PDE12: variants seen among roughly 807,000 people sequenced by gnomAD.
The protein encoded by PDE12 is phosphodiesterase 12.
Under a neutral mutation model 45.4 loss-of-function variants are expected in PDE12, and 26 were observed. The observed-to-expected ratio is 0.57, with a 90% CI of 0.42 to 0.79. The LOEUF (loss-of-function observed/expected upper bound fraction) is 0.79, where lower values mean the gene tolerates loss of function less well. Ranked by LOEUF, PDE12 falls within the 30% of genes least tolerant of loss-of-function variation. The pLI is 0.00. For synonymous variants in PDE12, 283 were observed against 323.9 expected (o/e 0.87, Z 1.36); for missense variants, 668 against 790.0 (o/e 0.85, Z 1.85).
At chr3:57,656,058 C>T in the PDE12 span, among the ~76,000 whole-genome samples, 3 of 152,132 alleles carry the variant, frequency 2.0e-5, no homozygotes, top group Non-Finnish European at 2.9e-5. Context: ...ATAACATGTA[C>T]TTTTTAAGAA....
At chr3:57,578,804 A>C in the PDE12 span, among the ~76,000 whole-genome samples, 1 of 152,130 alleles carries the variant, frequency 6.6e-6, no homozygotes, top group African/African-American at 2.4e-5. Flanking sequence ...ATACTACAAA[A>C]TAAATGGAAG....
the PDE12 span, chr3:57,645,565 G>T: frequency 1.2e-6 from 1 of 833,134 alleles, no homozygotes; most frequent in Non-Finnish European, 1.8e-6. Context: ...CCTTTTATAA[G>T]ATCATTCTGC....
chr3:57,639,162 A>C, the PDE12 span, among the ~76,000 whole-genome samples: 1 of 152,250 alleles, frequency 6.6e-6, no homozygotes, highest in African/African-American at 2.4e-5. Context: ...AATGAAAGGA[A>C]GTAGATGAAA....
chr3:57,621,834 G>C, the PDE12 span, among the ~76,000 whole-genome samples: 1 of 151,776 alleles, frequency 6.6e-6, no homozygotes, highest in Admixed American at 6.6e-5. Flanking sequence ...AGGGGTGGGG[G>C]GATCTTTGCA....
the PDE12 span, chr3:57,597,971 A>G: frequency 2.0e-5 from 3 of 152,204 alleles, no homozygotes; most frequent in Admixed American, 6.5e-5. Context: ...CACCACGCCA[A>G]GTGATTCTGA....
chr3:57,580,906 C>A, the PDE12 span, among the ~76,000 whole-genome samples: 1 of 152,106 alleles, frequency 6.6e-6, no homozygotes, highest in African/African-American at 2.4e-5. Context: ...AGCCACTGCA[C>A]CCAGCCTTTG....
chr3:57,558,083 G>GT (rs964472960), intron 1 of PDE12, among the ~76,000 whole-genome samples: 69 of 152,088 alleles, frequency 4.5e-4, no homozygotes, highest in East Asian at 7.7e-4. Flanking sequence ...ATATAAACTA[G>GT]TTTTTTTTAA....
chr3:57,645,704 G>T, the PDE12 span: 1 of 1,613,400 alleles, frequency 6.2e-7, no homozygotes, highest in Non-Finnish European at 8.5e-7. Flanking sequence ...TCACTATCAT[G>T]AATAGTGAAA....
the PDE12 span, among the ~76,000 whole-genome samples, chr3:57,603,351 T>G: frequency 9.7e-4 from 148 of 152,248 alleles, 2 homozygotes; most frequent in East Asian, 0.023. Context: ...TTTATTTATT[T>G]TTTTTAAGAC....
At chr3:57,613,428 C>T in the PDE12 span, among the ~76,000 whole-genome samples, 2 of 151,048 alleles carry the variant, frequency 1.3e-5, no homozygotes, top group Non-Finnish European at 3.0e-5. Context: ...CAAGTAGCTG[C>T]GATTACAAGC....
At chr3:57,628,704 C>CA in the PDE12 span, 1 of 1,167,556 alleles carries the variant, frequency 8.6e-7, no homozygotes, top group African/African-American at 1.5e-5. Context: ...CAAGCCCTCT[C>CA]ATTTAAAAAG....
At chr3:57,603,019 T>C in the PDE12 span, among the ~76,000 whole-genome samples, 1 of 151,664 alleles carries the variant, frequency 6.6e-6, no homozygotes, top group South Asian at 2.1e-4. Context: ...ATACAAAAAT[T>C]AGCCAGGCAT....
At chr3:57,575,060 G>A in the PDE12 span, among the ~76,000 whole-genome samples, 46 of 151,664 alleles carry the variant, frequency 3.0e-4, no homozygotes, top group African/African-American at 1.1e-3. Flanking sequence ...TGGTTGGTCC[G>A]GCTGGTCTCA....
downstream of PDE12, chr3:57,571,396 C>T (rs2069841091): frequency 6.6e-6 from 1 of 152,426 alleles, no homozygotes; most frequent in African/African-American, 2.4e-5. Context: ...GGAATAATTC[C>T]AAATGGGTTA....
chr3:57,560,273 C>A lies in PDE12; in HGVS notation c.*269C>A. 8.4e-7 allele frequency: 1 copy of A among 1,197,408 alleles called. No individual in the cohort carries two copies. Among genetic ancestry groups the A allele is most frequent in the Non-Finnish European group, 1.0e-6 (1 of 963,712 alleles). The allele number at this position is 1,197,408 out of a possible 1,614,324, so 74.2% of individuals were successfully genotyped here. A position where few individuals can be genotyped will look rare whatever the true frequency, so the allele number is the denominator to read the frequency against. On this transcript the variant is annotated 3_prime_UTR_variant, in exon 3 of 3. Coordinates refer to ENST00000311180, the MANE Select transcript of PDE12 (RefSeq NM_177966.7). ...TGAATTATTTTTCTCCAAATTGAGA[C>A]TCTCAGAAAAGGAAGATTGAATTAG...
At chr3:57,643,343 A>T in the PDE12 span, among the ~76,000 whole-genome samples, 1 of 152,256 alleles carries the variant, frequency 6.6e-6, no homozygotes, top group South Asian at 2.1e-4. Flanking sequence ...TTCAGTTTGC[A>T]CATGTTTAGT....
chr3:57,612,199 T>C, the PDE12 span, among the ~76,000 whole-genome samples: 1,474 of 133,736 alleles, frequency 0.011, 26 homozygotes, highest in African/African-American at 0.038. Flanking sequence ...AATGAGAACA[T>C]TTGGACACAG....
chr3:57,575,540 ATACT>A, the PDE12 span: 2 of 1,607,808 alleles, frequency 1.2e-6, no homozygotes, highest in Non-Finnish European at 1.7e-6. Flanking sequence ...CAACCTCCAA[ATACT>A]TACTGTTCTG....
chr3:57,626,200 A>G, the PDE12 span: 6 of 152,652 alleles, frequency 3.9e-5, no homozygotes, highest in African/African-American at 9.6e-5. Flanking sequence ...GACTGTATCC[A>G]TAAGAACAGG....
Sources: gnomAD v4.1 joint callset for allele counts (sites outside exome capture counted in the v4.1 genomes callset) on GRCh38, gnomAD v4.1.1 for gene constraint, MANE v1.5 for transcripts, NCBI Gene and HGNC (gene_info 2026-07-23, HGNC 2026-07-21) for gene names.